The following C9orf78 variants were observed in gnomAD, a reference collection of about 807,000 sequenced individuals.
C9orf78 encodes the protein splicing factor C9orf78.
Under a neutral mutation model 37.4 loss-of-function variants are expected in C9orf78, and 19 were observed. That is an observed-to-expected ratio of 0.51 (90% CI 0.35 to 0.74). The LOEUF is 0.74. C9orf78 is among the 30% of genes least tolerant of loss of function. The pLI, the probability that C9orf78 is intolerant of heterozygous loss-of-function variation, is 0.01. For synonymous variants in C9orf78, 130 were observed against 128.0 expected, an observed-to-expected ratio of 1.02 and a Z score of -0.10; for missense variants, 291 against 370.8, an observed-to-expected ratio of 0.78 and a Z score of 1.77.
intron 5 of C9orf78, chr9:129,831,380 T>G (rs1008721083): frequency 1.6e-5 from 6 of 376,680 alleles, no homozygotes; most frequent in Non-Finnish European, 2.9e-5. Context: ...TGCAATGTTT[T>G]GGGGAAATAT....
intron 8 of C9orf78, 171 bp from the exon 9 acceptor site, chr9:129,828,423 CTTTT>C: frequency 2.6e-6 from 1 of 388,642 alleles, no homozygotes; most frequent in South Asian, 2.3e-5. Flanking sequence ...TTTTTTTTTT[CTTTT>C]CTTTTCTTTT....
rs772487363 is a variant in C9orf78 at position 129,830,843 on chromosome 9, G to A, written c.542+28C>T. 5.9e-6 allele frequency: 9 copies of A among 1,513,786 alleles called. No individual in the cohort carries two copies. The East Asian group carries it at 2.0e-4, about 34-fold the overall frequency. The allele number at this position is 1,513,786 out of a possible 1,614,324, so 93.8% of individuals were successfully genotyped here. On this transcript the variant is annotated intron_variant, in intron 6 of 8. Coordinates refer to ENST00000372447, the MANE Select transcript of C9orf78 (RefSeq NM_016520.3). Reference sequence around the variant, plus strand: ...ATAACTTTTAACTGGAAAGCACTGTGTCTTCTGCCTAGGGGTCTCAAACAT... The same window carrying A: ...ATAACTTTTAACTGGAAAGCACTGTATCTTCTGCCTAGGGGTCTCAAACAT...
At chr9:129,833,613 C>T in intron 3 of C9orf78, 45 bp downstream of exon 3, 4 of 1,498,088 alleles carry the variant, frequency 2.7e-6, no homozygotes, top group Non-Finnish European at 3.7e-6. Context: ...AAGAGCACTG[C>T]AGGGAGGGCT....
In C9orf78 at chr9:129,830,647, GACTA is replaced by G. The variant is rs567467282; in HGVS notation, c.542+220_542+223del. On this transcript the variant is annotated intron_variant, in intron 6 of 8. Transcript: ENST00000372447. ...CCTGCCTCAGCCTCCCAAGTAGCTGGACTACAGGTGCCTGCCACCATGCCCAGCT... is the reference window on the plus strand; with the variant it reads ...CCTGCCTCAGCCTCCCAAGTAGCTGGCAGGTGCCTGCCACCATGCCCAGCT... 301 of 497,978 alleles carry G rather than the reference GACTA, an allele frequency of 6.0e-4. 2 individuals are homozygous for G. In the East Asian group the frequency reaches 9.8e-3, roughly 16 times the overall value. The allele number at this position is 497,978 out of a possible 1,614,324, so 30.8% of individuals were successfully genotyped here.
chr9:129,828,975 G>C (rs937249688), intron 8 of C9orf78: 9 of 618,482 alleles, frequency 1.5e-5, no homozygotes, highest in Non-Finnish European at 2.6e-5. Context: ...GAATATGAGA[G>C]AGTATGAATT....
chr9:129,830,038 CA>C (rs1250841510), intron 6 of C9orf78: 2 of 153,244 alleles, frequency 1.3e-5, no homozygotes, highest in African/African-American at 2.4e-5. Context: ...TTCCAGCAGT[CA>C]GGGGCCCTTA....
chr9:129,829,435 T>C lies in C9orf78; in HGVS notation c.649A>G (p.Met217Val). 1 of 1,614,142 alleles carries C rather than the reference T, an allele frequency of 6.2e-7. No homozygotes were observed. The change falls in exon 7 of 9, where the codon ATG becomes GTG. Residue 217 changes from methionine (M) to valine (V), a missense_variant. By Grantham distance (21) the Met-to-Val change is conservative (BLOSUM62 1). Around this residue, in one of 3 missense-constraint regions of C9orf78, gnomAD observed 120 missense variants for 148.7 expected, o/e 0.81. Coordinates refer to ENST00000372447, the MANE Select transcript of C9orf78 (RefSeq NM_016520.3). ...DSETSFVPTN[M>V]AVNYVQHNRF... ...TTGTGCTGCACATAATTCACAGCCA[T>C]GTTGGTAGGCACGAAGGAGGTCTCG...
At chr9:129,833,593 T>A (rs759641701) in intron 3 of C9orf78, 65 bp downstream of exon 3, 22 of 1,443,434 alleles carry the variant, frequency 1.5e-5, no homozygotes, top group Non-Finnish European at 2.1e-5. Context: ...TGAAGCACGC[T>A]CACTCACTGA....
chr9:129,834,819 A>T lies in C9orf78; in HGVS notation c.84-53T>A, dbSNP rs187882057. On this transcript the variant is annotated intron_variant, in intron 1 of 8. Transcript: ENST00000372447. ...CATAAGCTGAGTGATTCCCCGCGGA[A>T]TCCAAAGCTAACAGAGCCAATAAGG... 325 of 1,412,282 alleles carry T rather than the reference A, an allele frequency of 2.3e-4. 2 individuals are homozygous for T. The highest frequency in any genetic ancestry group is 9.4e-5 in the Non-Finnish European group (94 of 1,003,358). 87.5% of individuals were successfully genotyped at this position (1,412,282 alleles called of 1,614,324 possible).
At position 129,830,978 on chromosome 9, in the gene C9orf78, A is replaced by G. The variant is rs765877243; in HGVS notation, c.435T>C (p.Cys145=). ...QKVKPKNAED[C]LYELPENIRV... is the part of the protein sequence containing the mutation. The stretch of plus-strand genomic sequence containing the variant: ...GGATGTTTTCTGGAAGTTCATAAAG[A>G]CAGTCCTCTGCATTCTTTGGCTTAA... Residue 145 remains cysteine (C), a synonymous_variant, in exon 6 of 9, where the codon TGT becomes TGC. Coordinates refer to ENST00000372447, the MANE Select transcript of C9orf78 (RefSeq NM_016520.3). 7 of 1,612,640 alleles carry G rather than the reference A, an allele frequency of 4.3e-6. No individual in the cohort carries two copies. The highest frequency in any genetic ancestry group is 5.9e-6 in the Non-Finnish European group (7 of 1,178,756).
At chr9:129,831,506 G>A (rs1449054202) in intron 5 of C9orf78, 1 of 237,570 alleles carries the variant, frequency 4.2e-6, no homozygotes, top group East Asian at 1.1e-4. Context: ...CTCGCCGCAA[G>A]CTCTGCCTCC....
intron 4 of C9orf78, among the ~76,000 whole-genome samples, chr9:129,832,853 G>C (rs1461762124): frequency 6.6e-6 from 1 of 152,038 alleles, no homozygotes; most frequent in African/African-American, 2.4e-5. Context: ...GCAGTGGTGT[G>C]ATCGCGGCTC....
At position 129,828,132 on chromosome 9, in the gene C9orf78, G is replaced by A. The variant is rs1233721648; in HGVS notation, c.*29C>T. The A allele has an allele frequency of 1.2e-5, 15 of 1,288,074 alleles. No individual in the cohort carries two copies. The highest frequency in any genetic ancestry group is 1.6e-5 in the Non-Finnish European group (14 of 887,372). The allele number at this position is 1,288,074 out of a possible 1,614,324, so 79.8% of individuals were successfully genotyped here. ...CATGGGAGGGATATAGGGAGAGGAA[G>A]GCGATATTTACATCCCACTCTGCAC... On this transcript the variant is annotated 3_prime_UTR_variant, in exon 9 of 9. Transcript: ENST00000372447.
chr9:129,833,739 GGAGA>G, intron 2 of C9orf78, 30 bp from the exon 3 acceptor site: 1 of 1,560,542 alleles, frequency 6.4e-7, no homozygotes, highest in Non-Finnish European at 8.8e-7. Context: ...AAAGAGAGGG[GGAGA>G]GAGAGAAATG....
chr9:129,830,815 C>T, intron 6 of C9orf78, 56 bp downstream of exon 6: 2 of 1,268,806 alleles, frequency 1.6e-6, no homozygotes, highest in Non-Finnish European at 2.3e-6. Flanking sequence ...TGGCCTGTCC[C>T]CCATAACTTT....
rs770670226 is a variant in C9orf78 at position 129,833,686 on chromosome 9, T to G, written c.167A>C (p.Glu56Ala). The G allele has an allele frequency of 5.0e-6, 8 of 1,609,658 alleles. No homozygotes were observed. Among genetic ancestry groups the G allele is most frequent in the Non-Finnish European group, 5.9e-6 (7 of 1,177,994 alleles). The part of the protein sequence containing the change: ...GVSAVALLVG[E>A]KVQEETTLVD... ...TAGAGTGGTCTCCTCTTGTACCTTC[T>G]CTCCCACCAGCAAGGCCACAGCACT... The change falls in exon 3 of 9, where the codon GAG becomes GCG. Residue 56 changes from glutamate to alanine, a missense_variant. Around this residue, in one of 3 missense-constraint regions of C9orf78, gnomAD observed 158 missense variants for 174.8 expected, o/e 0.90. Coordinates refer to ENST00000372447, the MANE Select transcript of C9orf78 (RefSeq NM_016520.3).
intron 4 of C9orf78, among the ~76,000 whole-genome samples, 182 bp downstream of exon 4, chr9:129,833,265 T>C (rs10116875): frequency 6.6e-6 from 1 of 152,008 alleles, no homozygotes; most frequent in Non-Finnish European, 1.5e-5. Context: ...AACTTGGCTC[T>C]AAGTTAACTT....
chr9:129,835,061 C>A (rs1486602669), intron 1 of C9orf78, 78 bp downstream of exon 1: 3 of 1,162,280 alleles, frequency 2.6e-6, no homozygotes, highest in Non-Finnish European at 3.8e-6. Flanking sequence ...ACAATGTCAG[C>A]GAAGCGCCGA....
chr9:129,830,777 T>C, intron 6 of C9orf78, 94 bp downstream of exon 6: 1 of 870,836 alleles, frequency 1.1e-6, no homozygotes, highest in Non-Finnish European at 1.9e-6. Context: ...CCCAAAGTGC[T>C]AGGATTACAG....
Sources: allele counts gnomAD v4.1 joint callset (sites outside exome capture counted in the v4.1 genomes callset), GRCh38; gene constraint gnomAD v4.1.1; regional missense constraint gnomAD v4.1.1; transcripts MANE v1.5; gene names NCBI Gene and HGNC (gene_info 2026-07-23, HGNC 2026-07-21).